The following PTPRA variants were observed in gnomAD, a reference collection of about 807,000 sequenced individuals.
The protein encoded by PTPRA is protein tyrosine phosphatase receptor type A.
PTPRA carries 25 observed loss-of-function variants against 104.8 expected under a neutral mutation model. That is an observed-to-expected ratio of 0.24 (90% CI 0.17 to 0.33). The LOEUF is 0.33. Among genes scored for constraint, PTPRA ranks in the 10% least tolerant of loss-of-function variants. PTPRA has a pLI of 1.00. For missense variants in PTPRA, 765 were observed against 1,015.3 expected, an observed-to-expected ratio of 0.75 and a Z score of 3.35; for synonymous variants, 323 against 368.9, an observed-to-expected ratio of 0.88 and a Z score of 1.43.
chr20:2,890,995 A>G (rs1033713006), intron 1 of PTPRA, among the ~76,000 whole-genome samples: 25 of 152,174 alleles, frequency 1.6e-4, no homozygotes, highest in African/African-American at 6.0e-4. Flanking sequence ...AGGTACCTAT[A>G]ACAGTCTCAG....
rs190806477 is a variant in PTPRA at position 2,922,078 on chromosome 20, C to T, written c.-128-1129C>T. On this transcript the variant is annotated intron_variant, in intron 1 of 23. Coordinates refer to ENST00000399903, the MANE Select transcript of PTPRA (RefSeq NM_001385305.1). ...TGACAGTCAAAACTATCTTTAGACA[C>T]TGCCATATGTTCCCTAGGGAAGGGC... 1.5e-3 allele frequency among the ~76,000 whole-genome samples: 228 copies of T among 152,282 alleles called. 1 individual carries two copies. Among genetic ancestry groups the T allele is most frequent in the Middle Eastern group, 0.014 (4 of 294 alleles).
intron 1 of PTPRA, among the ~76,000 whole-genome samples, chr20:2,881,932 G>A (rs1055149647): frequency 6.6e-6 from 1 of 152,204 alleles, no homozygotes; most frequent in East Asian, 1.9e-4. Context: ...CCTGGGAGGC[G>A]GAGATTGCAG....
intron 1 of PTPRA, among the ~76,000 whole-genome samples, chr20:2,884,625 CTT>C: frequency 6.6e-6 from 1 of 152,012 alleles, no homozygotes; most frequent in East Asian, 1.9e-4. Flanking sequence ...AGTTATTGCT[CTT>C]TTTATTATTA....
chr20:2,949,306 TC>T (rs1434406009), intron 3 of PTPRA, among the ~76,000 whole-genome samples: 1 of 151,178 alleles, frequency 6.6e-6, no homozygotes, highest in Non-Finnish European at 1.5e-5. Flanking sequence ...TTGTAGATTT[TC>T]TTTTTTTTTT....
intron 3 of PTPRA, among the ~76,000 whole-genome samples, chr20:2,960,601 A>G (rs770212586): frequency 6.6e-6 from 1 of 151,442 alleles, no homozygotes; most frequent in Non-Finnish European, 1.5e-5. Context: ...TGCAGTGATG[A>G]TCACTCCTCA....
At chr20:2,996,718 A>G (rs2063410695) in intron 9 of PTPRA, among the ~76,000 whole-genome samples, 1 of 152,242 alleles carries the variant, frequency 6.6e-6, no homozygotes, top group Non-Finnish European at 1.5e-5. Context: ...TATGAAAAGA[A>G]GATCAACTAT....
intron 14 of PTPRA, 55 bp downstream of exon 14, chr20:3,021,483 G>A (rs573553948): frequency 2.9e-5 from 47 of 1,605,528 alleles, no homozygotes; most frequent in Non-Finnish European, 4.0e-5. Context: ...TGACCAGTAA[G>A]AGGGAACAGG....
At chr20:2,946,856 A>T (rs1002651305) in intron 2 of PTPRA, among the ~76,000 whole-genome samples, 50 of 151,420 alleles carry the variant, frequency 3.3e-4, no homozygotes, top group South Asian at 8.3e-4. Context: ...TCAGAAAAAA[A>T]AAAAATAATA....
intron 10 of PTPRA, among the ~76,000 whole-genome samples, 155 bp from the exon 11 acceptor site, chr20:3,007,189 C>G (rs374564904): frequency 6.6e-6 from 1 of 152,076 alleles, no homozygotes; most frequent in Non-Finnish European, 1.5e-5. Flanking sequence ...CAATTTTTTG[C>G]TGTTATACTG....
intron 9 of PTPRA, among the ~76,000 whole-genome samples, chr20:3,004,068 AGT>A: frequency 6.6e-6 from 1 of 152,124 alleles, no homozygotes; most frequent in East Asian, 1.9e-4. Flanking sequence ...CCTAGGCTGG[AGT>A]ACAATGGCGT....
At chr20:3,019,935 G>A (rs1175256460) in intron 13 of PTPRA, among the ~76,000 whole-genome samples, 4 of 151,858 alleles carry the variant, frequency 2.6e-5, no homozygotes, top group Admixed American at 2.0e-4. Context: ...CCAGTCAGGC[G>A]TGGCGGCGCG....
At position 3,022,304 on chromosome 20, in the gene PTPRA, T is replaced by A; in HGVS notation, c.1328+84T>A. ...AGGGGAACAGCACAAGGGCCCTGGC[T>A]GAGGAGGCTGGCACAGAGTAGATGA... On this transcript the variant is annotated intron_variant, in intron 15 of 23. Coordinates refer to ENST00000399903, the MANE Select transcript of PTPRA (RefSeq NM_001385305.1). The surrounding 1 kb of genome is among the most constrained non-coding windows in gnomAD (Gnocchi z 4.6). The A allele has an allele frequency of 6.6e-7, 1 of 1,512,556 alleles. No individual in the cohort carries two copies. Among genetic ancestry groups the A allele is most frequent in the Non-Finnish European group, 9.0e-7 (1 of 1,108,914 alleles). The allele number at this position is 1,512,556 out of a possible 1,614,324, so 93.7% of individuals were successfully genotyped here. A position where few individuals can be genotyped will look rare whatever the true frequency, so the allele number is the denominator to read the frequency against.
Position 3,022,554 on chromosome 20 carries a change from G to A in PTPRA, c.1329-135G>A. ...GACATACTGGAGTTGTTGGCTCCTG[G>A]AGAGCCCCAGCTCTACCCCATTCAG... is the stretch of plus-strand genomic sequence containing the variant. On this transcript the variant is annotated intron_variant, in intron 15 of 23. Transcript: ENST00000399903. The surrounding 1 kb of genome is among the most constrained non-coding windows in gnomAD (Gnocchi z 4.6). 7.9e-7 allele frequency: 1 copy of A among 1,263,580 alleles called. No homozygotes were observed. The allele number at this position is 1,263,580 out of a possible 1,614,324, so 78.3% of individuals were successfully genotyped here.
chr20:2,949,959 C>T (rs762999000), intron 3 of PTPRA, among the ~76,000 whole-genome samples: 1 of 151,856 alleles, frequency 6.6e-6, no homozygotes, highest in Non-Finnish European at 1.5e-5. Context: ...TTTTTATATG[C>T]TAGATTCAAT....
chr20:2,973,208 A>G (rs17253205), intron 5 of PTPRA, among the ~76,000 whole-genome samples: 1 of 150,246 alleles, frequency 6.7e-6, no homozygotes, highest in Non-Finnish European at 1.5e-5. Context: ...AGAACTTGCT[A>G]TTGTGCATTT....
rs146734994 is a variant in PTPRA, at chr20:2,970,094, A to G, written c.415+4892A>G. On this transcript the variant is annotated intron_variant, in intron 5 of 23. Coordinates refer to ENST00000399903, the MANE Select transcript of PTPRA (RefSeq NM_001385305.1). ...TGCATATTGCTTTTTCAGTTACCCT[A>G]TCATACTTGCTCTTTGTTTTAGTAA... Among the ~76,000 whole-genome samples the G allele has an allele frequency of 5.1e-3, 772 of 152,260 alleles. 5 individuals carry two copies. The highest frequency in any genetic ancestry group is 0.018 in the African/African-American group (740 of 41,544).
intron 2 of PTPRA, among the ~76,000 whole-genome samples, chr20:2,941,427 C>G (rs1272315851): frequency 6.6e-6 from 1 of 152,200 alleles, no homozygotes; most frequent in Non-Finnish European, 1.5e-5. Context: ...ACCCCAAGAG[C>G]AAATCTATTA....
At chr20:3,024,393 A>G in intron 16 of PTPRA, 79 bp from the exon 17 acceptor site, 2 of 1,395,114 alleles carry the variant, frequency 1.4e-6, no homozygotes, top group Non-Finnish European at 1.0e-6. Flanking sequence ...ACTGGAGTGA[A>G]GTGGGGGTGG....
intron 9 of PTPRA, among the ~76,000 whole-genome samples, chr20:3,004,584 C>T (rs1377260561): frequency 6.6e-6 from 1 of 150,918 alleles, no homozygotes; most frequent in Non-Finnish European, 1.5e-5. Context: ...GGTGCCATGC[C>T]CCCTTAGATC....
Sources: allele counts gnomAD v4.1 joint callset (sites outside exome capture counted in the v4.1 genomes callset), GRCh38; gene constraint gnomAD v4.1.1; non-coding constraint Gnocchi (gnomAD v3.1); transcripts MANE v1.5; gene names NCBI Gene and HGNC (gene_info 2026-07-23, HGNC 2026-07-21).